The following AFF1 variants were observed in gnomAD, a reference collection of about 807,000 sequenced individuals.
AFF1 encodes the protein ALF transcription elongation factor 1.
In AFF1, 48 loss-of-function variants were observed where a neutral mutation model predicts 121.7. That is an observed-to-expected ratio of 0.39 (90% CI 0.31 to 0.50). The LOEUF (loss-of-function observed/expected upper bound fraction) is 0.50. Among genes scored for constraint, AFF1 ranks in the 20% least tolerant of loss-of-function variants. The pLI is 0.76. For missense variants in AFF1, 1,523 were observed against 1,511.7 expected (o/e 1.01, Z -0.12); for synonymous variants, 613 against 563.0 (o/e 1.09, Z -1.26).
At chr4:87,124,040 G>A (rs1324660624) in intron 12 of AFF1, among the ~76,000 whole-genome samples, 2 of 152,168 alleles carry the variant, frequency 1.3e-5, no homozygotes. Context: ...CCAGAGCCAT[G>A]GGAAGGAGGC....
chr4:86,978,177 C>CTTTTTTTTTCTTTTTTT (rs1723452514), intron 2 of AFF1, among the ~76,000 whole-genome samples: 1 of 39,324 alleles, frequency 2.5e-5, no homozygotes, highest in Non-Finnish European at 4.6e-5. Context: ...ATTACATTCA[C>CTTTTTTTTTCTTTTTTT]TTTTTTTTTT....
At chr4:87,003,774 A>C (rs1725894152) in intron 2 of AFF1, among the ~76,000 whole-genome samples, 1 of 152,196 alleles carries the variant, frequency 6.6e-6, no homozygotes, top group South Asian at 2.1e-4. Flanking sequence ...AATGGGGAAA[A>C]ACAGCCACCA....
intron 2 of AFF1, among the ~76,000 whole-genome samples, chr4:87,028,382 A>G (rs1728741790): frequency 6.6e-6 from 1 of 152,022 alleles, no homozygotes; most frequent in Non-Finnish European, 1.5e-5. Flanking sequence ...CAGTGCATGC[A>G]TCTGTGTAAC....
rs545592507 is a variant in AFF1, at chr4:86,949,538, T to TTATTA, written c.38+968_38+969insATTAT. 586 of 106,518 alleles carry TTATTA rather than the reference T, an allele frequency of 5.5e-3. 4 individuals carry two copies. The highest frequency in any genetic ancestry group is 0.048 in the African/African-American group (446 of 9,314). 6.6% of individuals were successfully genotyped at this position (106,518 alleles called of 1,614,324 possible). A position where few individuals can be genotyped will look rare whatever the true frequency, so the allele number is the denominator to read the frequency against. On this transcript the variant is annotated intron_variant, in intron 2 of 20. Transcript: ENST00000395146. ...TATTTATTAATTATTATTATTATTA[T>TTATTA]TTTTTTTTTTTTTTTTTTCCCGACT...
At chr4:86,967,968 T>G (rs1053012288) in intron 2 of AFF1, among the ~76,000 whole-genome samples, 4 of 152,142 alleles carry the variant, frequency 2.6e-5, no homozygotes, top group African/African-American at 9.7e-5. Context: ...CTCAGGAACT[T>G]GAACTACGTA....
At chr4:86,991,548 G>T (rs1442204885) in intron 2 of AFF1, among the ~76,000 whole-genome samples, 2 of 152,062 alleles carry the variant, frequency 1.3e-5, no homozygotes, top group Non-Finnish European at 2.9e-5. Context: ...TTTGACCCAG[G>T]TTCTTTTAAA....
rs1397318041 is a variant in AFF1 at position 87,105,701 on chromosome 4, G to A, written c.1338+19G>A. 7 of 1,614,032 alleles carry A rather than the reference G, an allele frequency of 4.3e-6. No homozygotes were observed. Among genetic ancestry groups the A allele is most frequent in the Non-Finnish European group, 5.1e-6 (6 of 1,180,002 alleles). On this transcript the variant is annotated intron_variant, in intron 9 of 20. Transcript: ENST00000395146. Reference sequence around the variant, plus strand: ...TGAACAAGTAAGTGTTGCACAGCCTGTAATACCAGGAGTCCTTTTAAATAC... The same window carrying A: ...TGAACAAGTAAGTGTTGCACAGCCTATAATACCAGGAGTCCTTTTAAATAC...
intron 8 of AFF1, among the ~76,000 whole-genome samples, chr4:87,104,834 A>C (rs1288837613): frequency 2.0e-5 from 3 of 152,102 alleles, no homozygotes; most frequent in Admixed American, 2.0e-4. Flanking sequence ...CAGAATGCCT[A>C]CAGATACATT....
intron 11 of AFF1, among the ~76,000 whole-genome samples, chr4:87,112,509 G>C (rs908406877): frequency 3.3e-5 from 5 of 152,144 alleles, no homozygotes; most frequent in Admixed American, 6.5e-5. Context: ...AAGTTTCTTA[G>C]TTCTGTTCTG....
At chr4:86,995,891 C>T (rs1440188735) in intron 2 of AFF1, among the ~76,000 whole-genome samples, 4 of 150,316 alleles carry the variant, frequency 2.7e-5, no homozygotes, top group East Asian at 2.0e-4. Flanking sequence ...GGCCGCCCAT[C>T]GTCTGAGATG....
intron 2 of AFF1, chr4:86,950,048 G>A (rs1721193152): frequency 5.0e-6 from 8 of 1,614,084 alleles, no homozygotes; most frequent in Admixed American, 1.7e-5. Flanking sequence ...AGTGTAGAGA[G>A]GGTGATTGAT....
chr4:87,080,991 G>A (rs536903246), intron 4 of AFF1, among the ~76,000 whole-genome samples: 38 of 152,014 alleles, frequency 2.5e-4, no homozygotes, highest in African/African-American at 8.9e-4. Flanking sequence ...AGGGATAAAG[G>A]GACATTAACT....
intron 4 of AFF1, among the ~76,000 whole-genome samples, chr4:87,081,152 ATTTTTT>A (rs549510832): frequency 2.5e-3 from 223 of 89,702 alleles, no homozygotes; most frequent in Non-Finnish European, 3.2e-3. Context: ...AATGAAATGA[ATTTTTT>A]TTTTTTTTTT....
chr4:87,132,222 T>C, intron 18 of AFF1, 49 bp from the exon 19 acceptor site: 1 of 1,585,088 alleles, frequency 6.3e-7, no homozygotes, highest in Non-Finnish European at 8.6e-7. Context: ...TGGCTGCTTT[T>C]CTGTAGTATG....
At chr4:87,018,384 G>C (rs959007154) in intron 2 of AFF1, among the ~76,000 whole-genome samples, 4 of 152,256 alleles carry the variant, frequency 2.6e-5, no homozygotes, top group Middle Eastern at 3.2e-3. Flanking sequence ...AGGGGGTGGG[G>C]AATTGGTCTT....
chr4:86,975,794 G>T (rs1723259490), intron 2 of AFF1, among the ~76,000 whole-genome samples: 1 of 152,108 alleles, frequency 6.6e-6, no homozygotes. Context: ...TGTTGTATTG[G>T]GGGAGACAGA....
At position 87,138,563 on chromosome 4, in the gene AFF1, G is replaced by C. The variant is rs1729483432; in HGVS notation, c.*2862G>C. 1 of 231,806 alleles carries C rather than the reference G, an allele frequency of 4.3e-6. No individual in the cohort carries two copies. The highest frequency in any genetic ancestry group is 6.1e-5 in the East Asian group (1 of 16,402). The allele number at this position is 231,806 out of a possible 1,614,324, so 14.4% of individuals were successfully genotyped here. On this transcript the variant is annotated 3_prime_UTR_variant, in exon 21 of 21. Coordinates refer to ENST00000395146, the MANE Select transcript of AFF1 (RefSeq NM_001166693.3). ...GAAGAACACTGTTTTATTTTTTAAA[G>C]TGTTTAATGTTTCTGTCCTTTCTGT... is the stretch of plus-strand genomic sequence containing the variant.
intron 2 of AFF1, among the ~76,000 whole-genome samples, chr4:86,972,975 C>T (rs548121095): frequency 1.3e-5 from 2 of 152,054 alleles, no homozygotes; most frequent in East Asian, 1.9e-4. Context: ...GCTAGTAGCC[C>T]TAGAAGAGGG....
At chr4:87,014,589 C>T (rs1029531437) in intron 2 of AFF1, among the ~76,000 whole-genome samples, 1 of 152,178 alleles carries the variant, frequency 6.6e-6, no homozygotes, top group Non-Finnish European at 1.5e-5. Flanking sequence ...TTGGAACTTT[C>T]CTTCAGGAAA....
Sources: gnomAD v4.1 joint callset for allele counts (sites outside exome capture counted in the v4.1 genomes callset) on GRCh38, gnomAD v4.1.1 for gene constraint, MANE v1.5 for transcripts, NCBI Gene and HGNC (gene_info 2026-07-23, HGNC 2026-07-21) for gene names.